BCAS3: variants seen among roughly 807,000 people sequenced by gnomAD.
The protein encoded by BCAS3 is BCAS3 microtubule associated cell migration factor.
BCAS3 carries 53 observed loss-of-function variants against 116.1 expected under a neutral mutation model. The ratio of observed to expected loss-of-function variants is 0.46; its 90% CI spans 0.37 to 0.57. The LOEUF (loss-of-function observed/expected upper bound fraction) is 0.57. Among genes scored for constraint, BCAS3 ranks in the 20% least tolerant of loss-of-function variants. The probability of loss-of-function intolerance (pLI) is 0.00; values close to 1 mark genes in which losing one functional copy is unlikely to be tolerated. For missense variants in BCAS3, 917 were observed against 1,165.4 expected (o/e 0.79, Z 3.10); for synonymous variants, 391 against 408.2 (o/e 0.96, Z 0.51).
rs114933948 is a variant in BCAS3 at position 60,685,048 on chromosome 17, C to G, written c.138+1012C>G. On this transcript the variant is annotated intron_variant, in intron 3 of 23. Transcript: ENST00000407086. ...AGGAATAGAGTGGAATAAAATCCAA[C>G]AATGATCAATTTAGTGAGAATGTAA... is the stretch of plus-strand genomic sequence containing the variant. Among the ~76,000 whole-genome samples, 166 of 152,282 alleles carry G rather than the reference C, an allele frequency of 1.1e-3. 1 individual carries two copies. Among genetic ancestry groups the G allele is most frequent in the African/African-American group, 3.8e-3 (158 of 41,558 alleles).
chr17:60,791,882 T>TG (rs1472514735), intron 6 of BCAS3, among the ~76,000 whole-genome samples: 4 of 152,038 alleles, frequency 2.6e-5, no homozygotes, highest in Non-Finnish European at 4.4e-5. Context: ...CCCAGCACTT[T>TG]GGGGGGCTGA....
At chr17:60,888,992 G>A (rs547943634) in intron 9 of BCAS3, among the ~76,000 whole-genome samples, 1 of 152,282 alleles carries the variant, frequency 6.6e-6, no homozygotes, top group Non-Finnish European at 1.5e-5. Context: ...GTGGCAGCAG[G>A]GAAGAGTCAG....
intron 19 of BCAS3, among the ~76,000 whole-genome samples, chr17:61,067,271 G>GTATATATA (rs1473028118): frequency 1.3e-3 from 70 of 55,090 alleles, no homozygotes; most frequent in African/African-American, 5.1e-3. Context: ...ATGTGTGTAT[G>GTATATATA]TGTATATATA....
chr17:61,153,851 T>A (rs2077677323), intron 22 of BCAS3, among the ~76,000 whole-genome samples: 1 of 152,248 alleles, frequency 6.6e-6, no homozygotes, highest in African/African-American at 2.4e-5. Context: ...TATCTTCCCA[T>A]TTGGGGGTGA....
chr17:61,266,618 C>G (rs1433940110), intron 22 of BCAS3, among the ~76,000 whole-genome samples: 1 of 152,154 alleles, frequency 6.6e-6, no homozygotes, highest in Non-Finnish European at 1.5e-5. Context: ...GTTTACCAAG[C>G]TGACCTTACA....
chr17:60,765,019 T>C (rs2043942471), intron 6 of BCAS3, among the ~76,000 whole-genome samples: 1 of 151,916 alleles, frequency 6.6e-6, no homozygotes, highest in Admixed American at 6.6e-5. Flanking sequence ...CAACCCCTGC[T>C]TTTTTTTGCT....
chr17:60,988,338 C>CTTTTTTTTTTTT (rs71148317), intron 14 of BCAS3, among the ~76,000 whole-genome samples: 823 of 66,332 alleles, frequency 0.012, 2 homozygotes, highest in Middle Eastern at 0.029. Flanking sequence ...TTTTCTTTTT[C>CTTTTTTTTTTTT]TTTTTTTTTT....
chr17:61,288,585 T>C (rs1661699347), intron 22 of BCAS3, among the ~76,000 whole-genome samples: 1 of 152,184 alleles, frequency 6.6e-6, no homozygotes, highest in Admixed American at 6.5e-5. Flanking sequence ...TTGACCAAGG[T>C]CAAGTTCTCC....
intron 22 of BCAS3, among the ~76,000 whole-genome samples, chr17:61,166,044 A>G (rs2078470641): frequency 6.6e-6 from 1 of 152,200 alleles, no homozygotes; most frequent in Non-Finnish European, 1.5e-5. Context: ...TAAAGTAGGT[A>G]ATTGCTGCTT....
At chr17:60,897,531 G>T (rs1430184009) in intron 10 of BCAS3, among the ~76,000 whole-genome samples, 1 of 151,964 alleles carries the variant, frequency 6.6e-6, no homozygotes, top group Non-Finnish European at 1.5e-5. Context: ...TTCAATGTCA[G>T]GAATACTTAT....
chr17:60,728,973 T>C (rs2040191931), intron 5 of BCAS3, among the ~76,000 whole-genome samples: 1 of 152,210 alleles, frequency 6.6e-6, no homozygotes, highest in Non-Finnish European at 1.5e-5. Flanking sequence ...TTTGTACTCA[T>C]AAAATTTTCC....
In BCAS3 at chr17:60,691,055, CCT is replaced by C. The variant is rs1256374446; in HGVS notation, c.214+1295_214+1296del. 7.9e-5 allele frequency among the ~76,000 whole-genome samples: 12 copies of C among 152,164 alleles called. No homozygotes were observed. The East Asian group carries it at 1.8e-3, about 22-fold the overall frequency. On this transcript the variant is annotated intron_variant, in intron 4 of 23. Transcript: ENST00000407086. ...TCAGGTGATTCTCCTGTCTCAGCCC[CCT>C]GAGTAGCTGGGATTACAGGTGCTCG...
At chr17:60,885,895 A>G (rs1012330251) in intron 9 of BCAS3, among the ~76,000 whole-genome samples, 1 of 146,464 alleles carries the variant, frequency 6.8e-6, no homozygotes, top group African/African-American at 2.7e-5. Context: ...CTTCATTTCA[A>G]TTTTGGTGAA....
chr17:61,167,616 AG>A (rs1329374429), intron 22 of BCAS3, among the ~76,000 whole-genome samples: 1 of 152,260 alleles, frequency 6.6e-6, no homozygotes, highest in Non-Finnish European at 1.5e-5. Flanking sequence ...TGACTCAAGT[AG>A]TTTACAGTGT....
At chr17:60,701,857 C>T (rs113048462) in intron 4 of BCAS3, among the ~76,000 whole-genome samples, 10,522 of 151,418 alleles carry the variant, frequency 0.069, 1,235 homozygotes, top group African/African-American at 0.24. Flanking sequence ...GCCTGTAATC[C>T]CAGCTTCTTG....
intron 6 of BCAS3, among the ~76,000 whole-genome samples, chr17:60,760,314 C>G (rs1165257111): frequency 2.6e-5 from 4 of 152,058 alleles, no homozygotes; most frequent in Non-Finnish European, 5.9e-5. Flanking sequence ...TGTGCATTTT[C>G]ATGATAGGGT....
chr17:60,938,436 G>A (rs796168983), intron 13 of BCAS3, among the ~76,000 whole-genome samples: 2 of 152,272 alleles, frequency 1.3e-5, no homozygotes, highest in Admixed American at 6.5e-5. Flanking sequence ...TCAACAAATG[G>A]TGCTAGAACA....
At chr17:61,027,722 CTTTCTA>C (rs2066357703) in intron 16 of BCAS3, among the ~76,000 whole-genome samples, 1 of 151,760 alleles carries the variant, frequency 6.6e-6, no homozygotes. Flanking sequence ...TTTCTAAAAC[CTTTCTA>C]TTTCTTATTT....
At chr17:60,868,720 G>C (rs1323743386) in intron 8 of BCAS3, 37 bp downstream of exon 8, 3 of 1,313,182 alleles carry the variant, frequency 2.3e-6, no homozygotes, top group Middle Eastern at 3.8e-4. Context: ...TGTAAAATAA[G>C]AAACATGCTC....
Sources: gnomAD v4.1 joint callset for allele counts (sites outside exome capture counted in the v4.1 genomes callset) on GRCh38, gnomAD v4.1.1 for gene constraint, MANE v1.5 for transcripts, NCBI Gene and HGNC (gene_info 2026-07-23, HGNC 2026-07-21) for gene names.